Variants in LTN1 observed in about 807,000 individuals in gnomAD.
LTN1 encodes the protein E3 ubiquitin-protein ligase listerin.
LTN1 carries 88 observed loss-of-function variants against 201.2 expected under a neutral mutation model. That is an observed-to-expected ratio of 0.44 (90% CI 0.37 to 0.52). The LOEUF (loss-of-function observed/expected upper bound fraction) is 0.52, where lower values mean the gene tolerates loss of function less well. Ranked by LOEUF, LTN1 falls within the 20% of genes least tolerant of loss-of-function variation. LTN1 has a pLI of 0.00. For missense variants in LTN1, 1,752 were observed against 2,038.7 expected, an observed-to-expected ratio of 0.86 and a Z score of 2.71; for synonymous variants, 645 against 713.5, an observed-to-expected ratio of 0.90 and a Z score of 1.53.
intron 4 of LTN1, among the ~76,000 whole-genome samples, chr21:28,982,868 T>G (rs770194519): frequency 6.6e-6 from 1 of 152,202 alleles, no homozygotes; most frequent in Non-Finnish European, 1.5e-5. Flanking sequence ...TAACACTTAT[T>G]GAGCTTTTGC....
chr21:28,992,623 C>T, intron 1 of LTN1, 141 bp downstream of exon 1: 1 of 847,782 alleles, frequency 1.2e-6, no homozygotes, highest in Non-Finnish European at 1.8e-6. Flanking sequence ...CAGGGACGCA[C>T]ACACAACAGA....
At chr21:28,981,566 A>T (rs1228014704) in intron 5 of LTN1, among the ~76,000 whole-genome samples, 1 of 152,250 alleles carries the variant, frequency 6.6e-6, no homozygotes, top group African/African-American at 2.4e-5. Flanking sequence ...TAGCATGTAC[A>T]AGGGTGATCC....
At chr21:28,972,949 T>C (rs967351614) in intron 6 of LTN1, among the ~76,000 whole-genome samples, 2 of 152,154 alleles carry the variant, frequency 1.3e-5, no homozygotes, top group Non-Finnish European at 2.9e-5. Context: ...AGACTGATAG[T>C]TAATTTTGAC....
chr21:28,960,736 A>T, intron 11 of LTN1, 30 bp from the exon 12 acceptor site: 1 of 1,487,864 alleles, frequency 6.7e-7, no homozygotes, highest in Admixed American at 1.7e-5. Flanking sequence ...GCAAAGATTA[A>T]CAGCAAGATC....
chr21:28,932,951 T>C lies in LTN1; in HGVS notation c.4876-287A>G, dbSNP rs1260609673. 2.0e-5 allele frequency among the ~76,000 whole-genome samples: 3 copies of C among 152,248 alleles called. 1 individual carries two copies. The East Asian group carries it at 5.8e-4, about 29-fold the overall frequency. On this transcript the variant is annotated intron_variant, in intron 27 of 29. Transcript: ENST00000361371. ...ACATAATAGTTCAATAAACCTTGAA[T>C]AGATAAGTGACAGAATGGGTTATTA... is the stretch of plus-strand genomic sequence containing the variant.
At chr21:28,945,210 G>T (rs1006875080) in intron 21 of LTN1, among the ~76,000 whole-genome samples, 10 of 151,988 alleles carry the variant, frequency 6.6e-5, no homozygotes, top group Non-Finnish European at 1.3e-4. Context: ...AACAGAGCGA[G>T]ATTCTATCTC....
chr21:28,944,402 AGGT>A lies in LTN1; in HGVS notation c.3960_3962del (p.Leu1320_Pro1321delinsPhe). ...ACTTGCCTGTAACAGTCACCAAAAT[AGGT>A]AAAAGCAAACTGTGGATGCCTTGGG... On this transcript the variant is annotated inframe_deletion, in exon 22 of 30. Transcript: ENST00000361371. 1 of 1,612,522 alleles carries A rather than the reference AGGT, an allele frequency of 6.2e-7. No homozygotes were observed. Among genetic ancestry groups the A allele is most frequent in the Non-Finnish European group, 8.5e-7 (1 of 1,178,532 alleles).
intron 11 of LTN1, among the ~76,000 whole-genome samples, chr21:28,964,075 T>C (rs147020058): frequency 6.6e-6 from 1 of 152,348 alleles, no homozygotes; most frequent in South Asian, 2.1e-4. Context: ...GCCGTGAACA[T>C]TGTTGACATG....
Position 28,986,287 on chromosome 21 carries a change from CTA to C in LTN1, c.247-52_247-51del, listed in dbSNP as rs1480402529. 2.8e-6 allele frequency: 3 copies of C among 1,063,534 alleles called. No individual in the cohort carries two copies. Among genetic ancestry groups the C allele is most frequent in the Non-Finnish European group, 4.3e-6 (3 of 693,774 alleles). 65.9% of individuals were successfully genotyped at this position (1,063,534 alleles called of 1,614,324 possible). Reference sequence around the variant, plus strand: ...TAGGATTAACAACCATAATAACTGGCTATAGATTATTCTGTTCTGGAAGCTTT... The same window carrying C: ...TAGGATTAACAACCATAATAACTGGCTAGATTATTCTGTTCTGGAAGCTTT... On this transcript the variant is annotated intron_variant, in intron 2 of 29. Coordinates refer to ENST00000361371, the MANE Select transcript of LTN1 (RefSeq NM_015565.3). This position sits in a 1 kb window ranked among gnomAD's most constrained non-coding sequence, Gnocchi z 4.1.
chr21:28,958,033 G>A (rs898804050), intron 14 of LTN1, among the ~76,000 whole-genome samples: 3 of 152,170 alleles, frequency 2.0e-5, no homozygotes, highest in Non-Finnish European at 4.4e-5. Flanking sequence ...GTATGTTATA[G>A]CAAATTATCC....
intron 27 of LTN1, among the ~76,000 whole-genome samples, chr21:28,933,713 G>A (rs997926169): frequency 1.3e-4 from 15 of 113,564 alleles, no homozygotes; most frequent in African/African-American, 5.2e-4. Flanking sequence ...TTTCACTCTT[G>A]TTGCCCAGGC....
intron 5 of LTN1, 119 bp downstream of exon 5, chr21:28,982,197 A>C (rs113092097): frequency 2.4e-4 from 191 of 787,372 alleles, no homozygotes; most frequent in Non-Finnish European, 3.7e-4. Context: ...AGCCTGGGTG[A>C]CAGAGTGAGA....
At chr21:28,945,672 C>T (rs1197930237) in intron 21 of LTN1, 135 bp downstream of exon 21, 2 of 689,722 alleles carry the variant, frequency 2.9e-6, no homozygotes, top group Non-Finnish European at 4.6e-6. Context: ...GTAAGAAGAA[C>T]ATCTATAAAG....
intron 6 of LTN1, among the ~76,000 whole-genome samples, chr21:28,978,138 C>T (rs1445938303): frequency 6.6e-6 from 1 of 152,070 alleles, no homozygotes; most frequent in African/African-American, 2.4e-5. Context: ...AAGCGATCCT[C>T]CTGCCTCAGT....
chr21:28,958,245 T>A, intron 14 of LTN1, 141 bp downstream of exon 14: 1 of 717,882 alleles, frequency 1.4e-6, no homozygotes, highest in East Asian at 3.0e-5. Flanking sequence ...TCCTCCCACC[T>A]CAGCCTACTG....
Position 28,971,342 on chromosome 21 carries a change from T to C in LTN1, c.913A>G (p.Ile305Val), listed in dbSNP as rs772350288. The change falls in exon 7 of 30, where the codon ATT (isoleucine) becomes GTT (valine). Residue 305 changes from isoleucine (I) to valine (V), a missense_variant. This residue lies in a region of LTN1 where 280 missense variants were observed against 375.7 expected (regional missense o/e 0.75). Transcript: ENST00000361371. ...CAGACAATTGGGTCACTGTCATCAATGCTAAGTAGAACTGATGGGCTCACT... is the reference window on the plus strand; with the variant it reads ...CAGACAATTGGGTCACTGTCATCAACGCTAAGTAGAACTGATGGGCTCACT... ...SKVSPSVLLS[I>V]DDSDPIVCPA... 1.9e-6 allele frequency: 3 copies of C among 1,614,120 alleles called. No individual in the cohort carries two copies. The highest frequency in any genetic ancestry group is 3.3e-5 in the Admixed American group (2 of 60,028).
rs1421539824 is a variant in LTN1 at position 28,941,404 on chromosome 21, G to A, written c.4298C>T (p.Ser1433Leu). ...AAGAGACATCAGTGCTGCTGGTGGT[G>A]ACCTAAGAATCAATGATTAAACACC... ...YGDEEEEPALSPPAALMSLLS... is the reference protein window; with the variant it reads ...YGDEEEEPALLPPAALMSLLS... Residue 1433 changes from serine to leucine, a missense_variant and splice_region_variant, in exon 25 of 30, where the codon TCA becomes TTA. Physicochemically the swap from Ser to Leu is moderately radical, Grantham distance 145. Coordinates refer to ENST00000361371, the MANE Select transcript of LTN1 (RefSeq NM_015565.3). The A allele has an allele frequency of 6.2e-7, 1 of 1,603,588 alleles. No homozygotes were observed. The highest frequency in any genetic ancestry group is 1.3e-5 in the African/African-American group (1 of 74,444).
intron 6 of LTN1, among the ~76,000 whole-genome samples, chr21:28,975,144 A>T (rs1327852924): frequency 2.6e-5 from 4 of 152,246 alleles, no homozygotes; most frequent in Non-Finnish European, 5.9e-5. Context: ...GTCAACCCCA[A>T]GATGACCCAG....
intron 6 of LTN1, among the ~76,000 whole-genome samples, chr21:28,973,785 T>C (rs968129270): frequency 1.3e-5 from 2 of 152,096 alleles, no homozygotes; most frequent in Admixed American, 6.5e-5. Flanking sequence ...TTCAACACAA[T>C]ATAAAACATT....
Sources: allele counts gnomAD v4.1 joint callset (sites outside exome capture counted in the v4.1 genomes callset), GRCh38; gene constraint gnomAD v4.1.1; regional missense constraint gnomAD v4.1.1; non-coding constraint Gnocchi (gnomAD v3.1); transcripts MANE v1.5; gene names NCBI Gene and HGNC (gene_info 2026-07-23, HGNC 2026-07-21).